PPP6R3: variants seen among roughly 807,000 people sequenced by gnomAD.
PPP6R3 encodes the protein protein phosphatase 6 regulatory subunit 3, also known as serine/threonine-protein phosphatase 6 regulatory subunit 3.
Under a neutral mutation model 110.7 loss-of-function variants are expected in PPP6R3, and 38 were observed. That is an observed-to-expected ratio of 0.34 (90% CI 0.26 to 0.45). The LOEUF (loss-of-function observed/expected upper bound fraction) is 0.45. PPP6R3 is among the 20% of genes least tolerant of loss of function. The pLI, the probability that PPP6R3 is intolerant of heterozygous loss-of-function variation, is 1.00. For synonymous variants in PPP6R3, 369 were observed against 373.5 expected (o/e 0.99, Z 0.14); for missense variants, 870 against 1,062.4 (o/e 0.82, Z 2.52).
At chr11:68,494,245 G>T (rs1305813999) in intron 1 of PPP6R3, among the ~76,000 whole-genome samples, 34 of 151,342 alleles carry the variant, frequency 2.2e-4, no homozygotes, top group Admixed American at 2.2e-3. Context: ...AAACATCATG[G>T]CCGGGCACGG....
intron 1 of PPP6R3, among the ~76,000 whole-genome samples, chr11:68,517,623 A>G (rs757450214): frequency 1.3e-5 from 2 of 152,178 alleles, no homozygotes; most frequent in Non-Finnish European, 2.9e-5. Context: ...ATGTGGGACA[A>G]TTTGAACATC....
At chr11:68,497,058 G>GT (rs1168973421) in intron 1 of PPP6R3, among the ~76,000 whole-genome samples, 1 of 139,134 alleles carries the variant, frequency 7.2e-6, no homozygotes, top group African/African-American at 2.7e-5. Context: ...GTTTTGTTTT[G>GT]TTTTTTGAGA....
intron 3 of PPP6R3, among the ~76,000 whole-genome samples, chr11:68,543,507 G>A (rs570411477): frequency 1.3e-5 from 2 of 151,728 alleles, no homozygotes; most frequent in South Asian, 2.1e-4. Flanking sequence ...GTCAAGTGCC[G>A]TGGCTTTCTG....
At chr11:68,596,839 G>A (rs2153903619) in intron 19 of PPP6R3, among the ~76,000 whole-genome samples, 1 of 152,316 alleles carries the variant, frequency 6.6e-6, no homozygotes, top group African/African-American at 2.4e-5. Context: ...CCCAAGCCTG[G>A]CCAGTCTCTG....
intron 18 of PPP6R3, among the ~76,000 whole-genome samples, chr11:68,595,200 A>ATTTTTTTTTTTTTTTTTTT (rs71043443): frequency 1.2e-5 from 1 of 81,112 alleles, no homozygotes; most frequent in African/African-American, 3.9e-5. Flanking sequence ...CATAAAAATA[A>ATTTTTTTTTTTTTTTTTTT]TTTTTTTTTT....
At chr11:68,544,559 G>T (rs566882469) in intron 3 of PPP6R3, among the ~76,000 whole-genome samples, 62 of 152,354 alleles carry the variant, frequency 4.1e-4, no homozygotes, top group African/African-American at 1.3e-3. Flanking sequence ...GGGCCCTGCA[G>T]CATGACCTCT....
chr11:68,496,853 C>CTTTTTTTT (rs1157617908), intron 1 of PPP6R3, among the ~76,000 whole-genome samples: 1 of 61,274 alleles, frequency 1.6e-5, no homozygotes, highest in African/African-American at 6.7e-5. Flanking sequence ...ATATTCTTGT[C>CTTTTTTTT]TTTTTTTTTT....
intron 2 of PPP6R3, among the ~76,000 whole-genome samples, chr11:68,526,416 C>CT (rs2099198313): frequency 6.6e-6 from 1 of 151,970 alleles, no homozygotes; most frequent in Non-Finnish European, 1.5e-5. Flanking sequence ...ATTTTTTGTA[C>CT]TTTCTGTGGT....
chr11:68,559,817 C>T (rs909683735), intron 8 of PPP6R3, among the ~76,000 whole-genome samples: 2 of 151,396 alleles, frequency 1.3e-5, no homozygotes, highest in Non-Finnish European at 2.9e-5. Flanking sequence ...GTACAGTACC[C>T]TCTTCCCACC....
chr11:68,500,444 C>G (rs1347960950), intron 1 of PPP6R3, among the ~76,000 whole-genome samples: 3 of 152,086 alleles, frequency 2.0e-5, no homozygotes, highest in African/African-American at 2.4e-5. Context: ...GGAAGTTTCT[C>G]TTGGAGAATA....
intron 18 of PPP6R3, among the ~76,000 whole-genome samples, chr11:68,595,118 A>C (rs923867690): frequency 6.6e-6 from 1 of 152,170 alleles, no homozygotes; most frequent in Non-Finnish European, 1.5e-5. Context: ...AACTTCTACA[A>C]GAAAACTTAG....
chr11:68,462,250 G>A (rs999052608), intron 1 of PPP6R3, among the ~76,000 whole-genome samples: 13 of 152,136 alleles, frequency 8.5e-5, no homozygotes, highest in African/African-American at 2.9e-4. Context: ...GAGCATTTGA[G>A]TCCCGACTCT....
chr11:68,551,220 G>GAA (rs35722725), intron 6 of PPP6R3, 34 bp downstream of exon 6: 43 of 1,368,636 alleles, frequency 3.1e-5, no homozygotes, highest in Admixed American at 6.4e-5. Context: ...AACTTGATTA[G>GAA]AAAAAAAAAA....
chr11:68,547,484 G>A (rs189131508), intron 4 of PPP6R3, among the ~76,000 whole-genome samples: 36 of 152,152 alleles, frequency 2.4e-4, no homozygotes, highest in Non-Finnish European at 4.9e-4. Flanking sequence ...CCATTCTCAC[G>A]TTCCTTCAGG....
chr11:68,472,694 T>C (rs2098800782), intron 1 of PPP6R3, among the ~76,000 whole-genome samples: 1 of 151,844 alleles, frequency 6.6e-6, no homozygotes, highest in South Asian at 2.1e-4. Flanking sequence ...AGTGTACAAC[T>C]GATGGATTTT....
chr11:68,562,398 C>T (rs1328470922), intron 8 of PPP6R3, among the ~76,000 whole-genome samples: 4 of 152,120 alleles, frequency 2.6e-5, no homozygotes, highest in Non-Finnish European at 5.9e-5. Flanking sequence ...AATGCAATTC[C>T]GAACAAAATC....
chr11:68,584,101 A>C (rs1163122230), intron 15 of PPP6R3, among the ~76,000 whole-genome samples: 1 of 152,206 alleles, frequency 6.6e-6, no homozygotes, highest in Non-Finnish European at 1.5e-5. Context: ...CTGAAGTAGC[A>C]TTTCAGCATT....
chr11:68,613,973 C>T lies in PPP6R3; in HGVS notation c.*856C>T. ...TTTGGTAGTTCATCTGCCTTTTAAC[C>T]CATTCACCAAAATTTACCTTGTTAA... On this transcript the variant is annotated 3_prime_UTR_variant, in exon 24 of 24. Transcript: ENST00000393800. 1.0e-6 allele frequency: 1 copy of T among 984,300 alleles called. No individual in the cohort carries two copies. The highest frequency in any genetic ancestry group is 1.2e-6 in the Non-Finnish European group (1 of 829,682). 61.0% of individuals were successfully genotyped at this position (984,300 alleles called of 1,614,324 possible). A position where few individuals can be genotyped will look rare whatever the true frequency, so the allele number is the denominator to read the frequency against.
chr11:68,534,335 G>A (rs551873795), intron 2 of PPP6R3, among the ~76,000 whole-genome samples: 4 of 152,308 alleles, frequency 2.6e-5, no homozygotes, highest in South Asian at 2.1e-4. Context: ...TTTGTGGGCC[G>A]CAGATGGCCT....
Sources: gnomAD v4.1 joint callset for allele counts (sites outside exome capture counted in the v4.1 genomes callset) on GRCh38, gnomAD v4.1.1 for gene constraint, MANE v1.5 for transcripts, NCBI Gene and HGNC (gene_info 2026-07-23, HGNC 2026-07-21) for gene names.